The following NEDD1 variants were observed in gnomAD, a reference collection of about 807,000 sequenced individuals.
The protein encoded by NEDD1 is NEDD1 gamma-tubulin ring complex targeting factor.
Under a neutral mutation model 74.0 loss-of-function variants are expected in NEDD1, and 33 were observed. That is an observed-to-expected ratio of 0.45 (90% CI 0.34 to 0.60). The LOEUF (loss-of-function observed/expected upper bound fraction) is 0.60. NEDD1 is among the 20% of genes least tolerant of loss of function. The probability of loss-of-function intolerance (pLI) is 0.01; values close to 1 mark genes in which losing one functional copy is unlikely to be tolerated. For missense variants in NEDD1, 746 were observed against 776.5 expected, an observed-to-expected ratio of 0.96 and a Z score of 0.47; for synonymous variants, 250 against 264.4, an observed-to-expected ratio of 0.95 and a Z score of 0.53.
intron 12 of NEDD1, among the ~76,000 whole-genome samples, 157 bp downstream of exon 12, chr12:96,943,919 G>T (rs140554986): frequency 6.6e-6 from 1 of 152,088 alleles, no homozygotes; most frequent in African/African-American, 2.4e-5. Flanking sequence ...TTGAAATCTC[G>T]CTTTGGATAT....
At chr12:96,923,788 T>TTGTGTGTG (rs10528785) in intron 6 of NEDD1, among the ~76,000 whole-genome samples, 8,016 of 142,180 alleles carry the variant, frequency 0.056, 261 homozygotes, top group East Asian at 0.081. Flanking sequence ...TAATACCTGT[T>TTGTGTGTG]TGTGTGTGTG....
At position 96,940,469 on chromosome 12, in the gene NEDD1, A is replaced by T. The variant is rs1419932281; in HGVS notation, c.1178A>T (p.Gln393Leu). Residue 393 changes from glutamine to leucine, a missense_variant, in exon 10 of 16, where the codon CAG becomes CTG. Physicochemically the swap from Gln to Leu is moderately radical, Grantham distance 113 (BLOSUM62 -2). Around this residue, in one of 3 missense-constraint regions of NEDD1, gnomAD observed 706 missense variants for 706.7 expected, o/e 1.00. Coordinates refer to ENST00000266742, the MANE Select transcript of NEDD1 (RefSeq NM_152905.4). ...AAGGAAACAGACAGTGGAAAAAATC[A>T]GGATTTCTCCAGCTTTGATGATACT... is the stretch of plus-strand genomic sequence containing the variant. ...LSKETDSGKNQDFSSFDDTGK... is the reference protein window; with the variant it reads ...LSKETDSGKNLDFSSFDDTGK... The T allele has an allele frequency of 6.2e-7, 1 of 1,604,310 alleles. No individual in the cohort carries two copies. Among genetic ancestry groups the T allele is most frequent in the Admixed American group, 1.7e-5 (1 of 59,796 alleles).
intron 2 of NEDD1, among the ~76,000 whole-genome samples, chr12:96,909,538 TATC>T (rs1189130975): frequency 1.3e-5 from 2 of 152,130 alleles, no homozygotes; most frequent in Non-Finnish European, 2.9e-5. Context: ...TGGATTTCAT[TATC>T]ATTACTGTGA....
intron 14 of NEDD1, among the ~76,000 whole-genome samples, chr12:96,948,455 CTT>C (rs1449869136): frequency 2.0e-5 from 3 of 152,096 alleles, no homozygotes; most frequent in African/African-American, 7.2e-5. Context: ...TCATGGGTCT[CTT>C]TTCTCCTAAG....
intron 1 of NEDD1, 127 bp from the exon 2 acceptor site, chr12:96,907,477 G>C (rs1273941383): frequency 1.4e-5 from 11 of 787,454 alleles, no homozygotes. Flanking sequence ...GGAAGTGTCC[G>C]GGGAGGCGCG....
intron 14 of NEDD1, among the ~76,000 whole-genome samples, chr12:96,949,527 T>C (rs1223755891): frequency 6.6e-6 from 1 of 152,024 alleles, no homozygotes; most frequent in East Asian, 1.9e-4. Flanking sequence ...AAATCCCAGC[T>C]GGGATTTGGA....
rs1356774168 is a variant in NEDD1 at position 96,937,187 on chromosome 12, T to C, written c.922-11T>C. 1 of 1,524,178 alleles carries C rather than the reference T, an allele frequency of 6.6e-7. No homozygotes were observed. Among genetic ancestry groups the C allele is most frequent in the Non-Finnish European group, 8.9e-7 (1 of 1,119,696 alleles). 94.4% of individuals were successfully genotyped at this position (1,524,178 alleles called of 1,614,324 possible). On this transcript the variant is annotated splice_polypyrimidine_tract_variant and intron_variant, in intron 8 of 15. Transcript: ENST00000266742. ...GTAACCTGAGCTTTTAAATATTCCATTACATTTCAGTCAAGTTTAAATAAA... is the reference window on the plus strand; with the variant it reads ...GTAACCTGAGCTTTTAAATATTCCACTACATTTCAGTCAAGTTTAAATAAA...
chr12:96,934,511 T>G (rs1239985299), intron 6 of NEDD1, among the ~76,000 whole-genome samples: 1 of 151,824 alleles, frequency 6.6e-6, no homozygotes, highest in Non-Finnish European at 1.5e-5. Flanking sequence ...CTTTTTTTTT[T>G]TTAAGACAGA....
Position 96,940,426 on chromosome 12 carries a change from AAC to A in NEDD1, c.1139_1140del (p.Thr380ArgfsTer5). The A allele has an allele frequency of 6.3e-7, 1 of 1,596,018 alleles. No homozygotes were observed. The highest frequency in any genetic ancestry group is 8.6e-7 in the Non-Finnish European group (1 of 1,165,446). ...CCTATAAGGTTTGCCTCGAAGCATA[AAC>A]ACAGACACTTTATCTAAGGAAACAG... Reference protein sequence around the residue: ...QEKAGLPRSINTDTLSKETDS... With the variant: ...QEKAGLPRSIXTDTLSKETDS... On this transcript the variant is annotated frameshift_variant, in exon 10 of 16. Transcript: ENST00000266742. LOFTEE classifies it high-confidence loss of function.
intron 6 of NEDD1, among the ~76,000 whole-genome samples, chr12:96,932,768 A>G (rs568313468): frequency 9.2e-5 from 14 of 151,738 alleles, no homozygotes; most frequent in African/African-American, 3.1e-4. Flanking sequence ...ATGAGCAAGT[A>G]AGTTATGAAC....
At position 96,910,271 on chromosome 12, in the gene NEDD1, A is replaced by T. The variant is rs1003069885; in HGVS notation, c.136+376A>T. Among the ~76,000 whole-genome samples the T allele has an allele frequency of 5.3e-5, 8 of 152,234 alleles. 1 individual carries two copies. Among genetic ancestry groups the T allele is most frequent in the African/African-American group, 1.4e-4 (6 of 41,464 alleles). On this transcript the variant is annotated intron_variant, in intron 3 of 15. Coordinates refer to ENST00000266742, the MANE Select transcript of NEDD1 (RefSeq NM_152905.4). ...TTTTGGAATGAGTTTTTGCATCTAC[A>T]TTTGGGTATTTGTGGATCTGAACTG...
Position 96,936,620 on chromosome 12 carries a change from A to G in NEDD1, c.729A>G (p.Lys243=), listed in dbSNP as rs1877120430. ...GTTCTCCTTTCCAAAGGCTAGTGAA[A>G]ACTTTAGTGGCTGACACTCCTCTAA... ...LYDTSSKKLV[K]TLVADTPLTA... is the part of the protein sequence containing the mutation. Residue 243 remains lysine (K), a synonymous_variant, in exon 8 of 16, where the codon AAA becomes AAG. Coordinates refer to ENST00000266742, the MANE Select transcript of NEDD1 (RefSeq NM_152905.4). 6.2e-7 allele frequency: 1 copy of G among 1,612,876 alleles called. No individual in the cohort carries two copies.
At chr12:96,917,432 C>A (rs902212428) in intron 4 of NEDD1, among the ~76,000 whole-genome samples, 189 bp from the exon 5 acceptor site, 1 of 151,982 alleles carries the variant, frequency 6.6e-6, no homozygotes, top group Non-Finnish European at 1.5e-5. Context: ...TTTTTGACCC[C>A]CTTAAAAGCT....
chr12:96,919,640 T>C (rs945185699), intron 5 of NEDD1, among the ~76,000 whole-genome samples: 3 of 152,240 alleles, frequency 2.0e-5, no homozygotes, highest in Admixed American at 6.5e-5. Flanking sequence ...CTCTTTCCTC[T>C]GACACTTTGC....
At chr12:96,920,818 A>G (rs1441943725) in intron 6 of NEDD1, among the ~76,000 whole-genome samples, 1 of 152,214 alleles carries the variant, frequency 6.6e-6, no homozygotes, top group Non-Finnish European at 1.5e-5. Context: ...CTATTATAAA[A>G]TATGGGAGAT....
chr12:96,921,466 C>G (rs1555201428), intron 6 of NEDD1, among the ~76,000 whole-genome samples: 1 of 152,164 alleles, frequency 6.6e-6, no homozygotes, highest in Non-Finnish European at 1.5e-5. Flanking sequence ...CAGGTATGAG[C>G]CACTGCACCC....
At chr12:96,929,555 A>G (rs978100834) in intron 6 of NEDD1, among the ~76,000 whole-genome samples, 3 of 67,844 alleles carry the variant, frequency 4.4e-5, no homozygotes, top group African/African-American at 2.3e-4. Context: ...GTTTTCATGT[A>G]TACACACACA....
chr12:96,947,215 GT>G (rs1042519410), intron 14 of NEDD1, among the ~76,000 whole-genome samples: 3 of 151,910 alleles, frequency 2.0e-5, no homozygotes, highest in African/African-American at 7.3e-5. Context: ...AAGAATATAC[GT>G]TTTTTTCAGG....
intron 14 of NEDD1, among the ~76,000 whole-genome samples, chr12:96,947,900 T>G (rs1251501458): frequency 6.6e-6 from 1 of 152,126 alleles, no homozygotes; most frequent in Non-Finnish European, 1.5e-5. Context: ...GAGTGGTGGG[T>G]AGGGACTTCT....
Sources: allele counts gnomAD v4.1 joint callset (sites outside exome capture counted in the v4.1 genomes callset), GRCh38; gene constraint gnomAD v4.1.1; regional missense constraint gnomAD v4.1.1; transcripts MANE v1.5; gene names NCBI Gene and HGNC (gene_info 2026-07-23, HGNC 2026-07-21).